The following GPHN variants were observed in gnomAD, a reference collection of about 807,000 sequenced individuals.
The protein encoded by GPHN is gephyrin.
Under a neutral mutation model 95.5 loss-of-function variants are expected in GPHN, and 17 were observed. The observed-to-expected ratio is 0.18, with a 90% confidence interval of 0.12 to 0.27. The LOEUF is 0.27. GPHN is among the 10% of genes least tolerant of loss of function. GPHN has a pLI of 1.00. For missense variants in GPHN, 660 were observed against 978.1 expected (o/e 0.67, Z 4.34); for synonymous variants, 320 against 322.5 (o/e 0.99, Z 0.08).
At chr14:66,937,520 C>T (rs1036136662) in intron 8 of GPHN, among the ~76,000 whole-genome samples, 2 of 152,010 alleles carry the variant, frequency 1.3e-5, no homozygotes, top group East Asian at 1.9e-4. Context: ...AGTGGGATTA[C>T]AGGCATGTGC....
At chr14:67,541,879 CA>C in the GPHN span, 1 of 1,602,006 alleles carries the variant, frequency 6.2e-7, no homozygotes, top group South Asian at 1.1e-5. Context: ...TGGCAGAACT[CA>C]AGGTGGAGGC....
chr14:66,788,071 T>C (rs1247851859), intron 3 of GPHN, among the ~76,000 whole-genome samples: 1 of 152,116 alleles, frequency 6.6e-6, no homozygotes, highest in Non-Finnish European at 1.5e-5. Context: ...GGCACAGTCC[T>C]GTAATCCCAG....
intron 1 of GPHN, among the ~76,000 whole-genome samples, chr14:66,559,959 G>A (rs1338391126): frequency 6.6e-6 from 1 of 152,084 alleles, no homozygotes; most frequent in Non-Finnish European, 1.5e-5. Flanking sequence ...TCTCCATATG[G>A]CTAGCTAGTT....
At chr14:67,095,584 G>C (rs1397296237) in intron 12 of GPHN, among the ~76,000 whole-genome samples, 1 of 151,656 alleles carries the variant, frequency 6.6e-6, no homozygotes, top group Non-Finnish European at 1.5e-5. Context: ...ATACACCATG[G>C]AATACTATGC....
chr14:67,427,723 G>T, the GPHN span, among the ~76,000 whole-genome samples: 2 of 152,126 alleles, frequency 1.3e-5, no homozygotes, highest in African/African-American at 4.8e-5. Flanking sequence ...CCCTTTCGGG[G>T]ACACTCATAC....
intron 4 of GPHN, among the ~76,000 whole-genome samples, chr14:66,857,614 G>A (rs1039191386): frequency 6.6e-6 from 1 of 152,072 alleles, no homozygotes; most frequent in Non-Finnish European, 1.5e-5. Context: ...CAAATAAAAG[G>A]CTCCACCAGT....
At chr14:66,868,936 GTTTGCAACTT>G (rs1420930896) in intron 4 of GPHN, among the ~76,000 whole-genome samples, 1 of 151,974 alleles carries the variant, frequency 6.6e-6, no homozygotes, top group Non-Finnish European at 1.5e-5. Flanking sequence ...TTTCACAGAA[GTTTGCAACTT>G]TCATATTGGA....
At chr14:67,234,863 T>G in the GPHN span, among the ~76,000 whole-genome samples, 2 of 150,322 alleles carry the variant, frequency 1.3e-5, no homozygotes, top group South Asian at 4.3e-4. Context: ...AGTTCCACAC[T>G]TTAAAGTTCA....
the GPHN span, among the ~76,000 whole-genome samples, chr14:67,673,699 T>C: frequency 8.3e-4 from 127 of 152,350 alleles, no homozygotes; most frequent in African/African-American, 2.9e-3. Flanking sequence ...AACAAAGTTT[T>C]GTCCTTGCCA....
intron 1 of GPHN, among the ~76,000 whole-genome samples, chr14:66,594,217 A>C (rs955914750): frequency 2.6e-5 from 4 of 152,200 alleles, no homozygotes; most frequent in Non-Finnish European, 4.4e-5. Context: ...AAGGATGAAC[A>C]TTGTTAAAGT....
intron 1 of GPHN, among the ~76,000 whole-genome samples, chr14:66,635,023 G>A (rs747260955): frequency 1.3e-5 from 2 of 152,162 alleles, no homozygotes; most frequent in East Asian, 3.8e-4. Context: ...GATAGCTGGG[G>A]CATCTAAAAT....
chr14:67,536,171 C>T, the GPHN span, among the ~76,000 whole-genome samples: 1 of 149,008 alleles, frequency 6.7e-6, no homozygotes, highest in African/African-American at 2.6e-5. Context: ...GACATGCTCA[C>T]CTTCTCTGTC....
chr14:67,487,813 T>C, the GPHN span, among the ~76,000 whole-genome samples: 2 of 151,544 alleles, frequency 1.3e-5, no homozygotes, highest in Non-Finnish European at 1.5e-5. Flanking sequence ...AAAAATCAAG[T>C]AGAGACGGGT....
intron 1 of GPHN, among the ~76,000 whole-genome samples, chr14:66,537,544 T>C (rs2059186341): frequency 2.0e-5 from 3 of 152,194 alleles, no homozygotes. Context: ...GTGCTATTTT[T>C]TTCATATTTT....
rs185461727 is a variant in GPHN at position 67,054,729 on chromosome 14, A to C, written c.1007-3920A>C. ...TACAAGGCTATAGTAACCAAAATAGATGGTAGTAGTACAAAAACAGACACA... is the reference window on the plus strand; with the variant it reads ...TACAAGGCTATAGTAACCAAAATAGCTGGTAGTAGTACAAAAACAGACACA... On this transcript the variant is annotated intron_variant, in intron 10 of 22. Transcript: ENST00000478722. Among the ~76,000 whole-genome samples, 4 of 152,294 alleles carry C rather than the reference A, an allele frequency of 2.6e-5. No homozygotes were observed. In the East Asian group the frequency reaches 7.7e-4, roughly 29 times the overall value.
intron 8 of GPHN, among the ~76,000 whole-genome samples, chr14:66,941,931 G>A (rs532090156): frequency 9.9e-5 from 15 of 152,206 alleles, no homozygotes; most frequent in Admixed American, 7.9e-4. Context: ...ATAAAACAAG[G>A]ATCAGCAATA....
chr14:67,496,988 G>A, the GPHN span, among the ~76,000 whole-genome samples: 1 of 151,860 alleles, frequency 6.6e-6, no homozygotes, highest in Non-Finnish European at 1.5e-5. Context: ...AGTAGAGATG[G>A]GGTTTCACCA....
At chr14:67,725,358 C>G in the GPHN span, 3 of 1,204,038 alleles carry the variant, frequency 2.5e-6, no homozygotes, top group Admixed American at 1.9e-5. Context: ...TCATCCACCC[C>G]ACTAGACAGG....
At chr14:66,587,660 C>T (rs1014455788) in intron 1 of GPHN, among the ~76,000 whole-genome samples, 1 of 152,116 alleles carries the variant, frequency 6.6e-6, no homozygotes, top group South Asian at 2.1e-4. Context: ...AGGCATTTGA[C>T]AAAATCTAAA....
Sources: allele counts gnomAD v4.1 joint callset (sites outside exome capture counted in the v4.1 genomes callset), GRCh38; gene constraint gnomAD v4.1.1; transcripts MANE v1.5; gene names NCBI Gene and HGNC (gene_info 2026-07-23, HGNC 2026-07-21).